Variants in TMEM117 observed in about 807,000 individuals in gnomAD.
TMEM117 encodes transmembrane protein 117.
TMEM117 carries 27 observed loss-of-function variants against 52.4 expected under a neutral mutation model. That is an observed-to-expected ratio of 0.51 (90% confidence interval 0.38 to 0.71). TMEM117 has a LOEUF of 0.71. TMEM117 is among the 30% of genes least tolerant of loss of function. The probability of loss-of-function intolerance (pLI) is 0.00; values close to 1 mark genes in which losing one functional copy is unlikely to be tolerated. For missense variants in TMEM117, 556 were observed against 630.5 expected (o/e 0.88, Z 1.26); for synonymous variants, 215 against 206.3 (o/e 1.04, Z -0.36).
chr12:43,874,596 A>C (rs1943761271), intron 2 of TMEM117, among the ~76,000 whole-genome samples: 1 of 152,124 alleles, frequency 6.6e-6, no homozygotes, highest in African/African-American at 2.4e-5. Flanking sequence ...CGTCTCAAAA[A>C]AGCAAGCAAA....
intron 2 of TMEM117, among the ~76,000 whole-genome samples, chr12:43,854,445 C>G (rs1174096819): frequency 6.8e-6 from 1 of 147,642 alleles, no homozygotes; most frequent in Non-Finnish European, 1.5e-5. Context: ...AGTGATTATC[C>G]TACTGAAAAA....
At chr12:43,952,212 G>A (rs12301421) in intron 3 of TMEM117, among the ~76,000 whole-genome samples, 9,354 of 152,084 alleles carry the variant, frequency 0.062, 747 homozygotes, top group African/African-American at 0.18. Context: ...TGAAAATCCC[G>A]GAAGCCGGAA....
At chr12:44,268,678 C>T (rs1950409947) in intron 5 of TMEM117, among the ~76,000 whole-genome samples, 1 of 152,090 alleles carries the variant, frequency 6.6e-6, no homozygotes, top group Admixed American at 6.6e-5. Flanking sequence ...ACAACTCTCA[C>T]ATTGTTGGCA....
At chr12:44,195,757 A>C (rs926744406) in intron 4 of TMEM117, among the ~76,000 whole-genome samples, 1 of 152,132 alleles carries the variant, frequency 6.6e-6, no homozygotes, top group Non-Finnish European at 1.5e-5. Flanking sequence ...TTCAAAATTT[A>C]TAAAGAATAA....
chr12:43,949,574 A>T (rs903878448), intron 3 of TMEM117, among the ~76,000 whole-genome samples: 3 of 152,132 alleles, frequency 2.0e-5, no homozygotes, highest in African/African-American at 7.2e-5. Flanking sequence ...AACTTCTGAG[A>T]TCTTGTCGGG....
intron 5 of TMEM117, among the ~76,000 whole-genome samples, chr12:44,272,813 C>G (rs1214687501): frequency 6.6e-6 from 1 of 152,080 alleles, no homozygotes; most frequent in Non-Finnish European, 1.5e-5. Context: ...GACAGTGTGG[C>G]GATTCCTCAG....
At chr12:44,317,583 A>C (rs1309126894) in intron 6 of TMEM117, among the ~76,000 whole-genome samples, 2 of 152,036 alleles carry the variant, frequency 1.3e-5, no homozygotes, top group African/African-American at 4.8e-5. Flanking sequence ...TTTAGTAGAG[A>C]CAGGATTTCA....
At chr12:43,890,202 A>T (rs560763907) in intron 2 of TMEM117, among the ~76,000 whole-genome samples, 1 of 152,196 alleles carries the variant, frequency 6.6e-6, no homozygotes, top group Admixed American at 6.5e-5. Context: ...ATTTATTTTT[A>T]GTGTTCTCTT....
At chr12:44,331,835 A>G (rs1244868084) in intron 6 of TMEM117, among the ~76,000 whole-genome samples, 1 of 152,006 alleles carries the variant, frequency 6.6e-6, no homozygotes, top group African/African-American at 2.4e-5. Flanking sequence ...TCAGTACCCC[A>G]AGCACCCAAT....
intron 3 of TMEM117, among the ~76,000 whole-genome samples, chr12:43,948,524 C>G (rs1348349341): frequency 6.6e-6 from 1 of 152,078 alleles, no homozygotes; most frequent in African/African-American, 2.4e-5. Flanking sequence ...CCAGGATGGT[C>G]TCGATCTCCT....
At chr12:43,823,331 G>T in the TMEM117 span, among the ~76,000 whole-genome samples, 1 of 152,102 alleles carries the variant, frequency 6.6e-6, no homozygotes, top group Non-Finnish European at 1.5e-5. Flanking sequence ...AGGTAGCAAA[G>T]TAGAATTTGA....
intron 2 of TMEM117, among the ~76,000 whole-genome samples, chr12:43,882,898 T>C (rs948013865): frequency 1.3e-5 from 2 of 152,240 alleles, no homozygotes; most frequent in Admixed American, 6.5e-5. Context: ...TTCATTTCTC[T>C]GCAGCATCTT....
At chr12:44,212,677 C>G (rs1949662331) in intron 5 of TMEM117, among the ~76,000 whole-genome samples, 1 of 151,978 alleles carries the variant, frequency 6.6e-6, no homozygotes, top group Admixed American at 6.6e-5. Flanking sequence ...GTACGCCCAC[C>G]AGATAAGGGG....
intron 6 of TMEM117, among the ~76,000 whole-genome samples, chr12:44,330,656 A>G (rs1951257321): frequency 6.6e-6 from 1 of 152,084 alleles, no homozygotes; most frequent in African/African-American, 2.4e-5. Flanking sequence ...TGACTACCGT[A>G]TTGGACAAGT....
At chr12:44,095,696 A>T (rs1169174521) in intron 3 of TMEM117, among the ~76,000 whole-genome samples, 1 of 152,006 alleles carries the variant, frequency 6.6e-6, no homozygotes, top group African/African-American at 2.4e-5. Flanking sequence ...CATTTTCATG[A>T]CTCAAAGATA....
intron 6 of TMEM117, among the ~76,000 whole-genome samples, chr12:44,355,084 T>A (rs565189891): frequency 1.3e-5 from 2 of 152,172 alleles, no homozygotes; most frequent in African/African-American, 4.8e-5. Context: ...GTTTTTATTA[T>A]TATTTCCAAA....
chr12:43,913,564 C>T (rs534287969), intron 2 of TMEM117, among the ~76,000 whole-genome samples: 108 of 152,218 alleles, frequency 7.1e-4, no homozygotes, highest in African/African-American at 2.5e-3. Flanking sequence ...AAACTGGGGA[C>T]AGAGAGAGGA....
chr12:44,279,255 A>G (rs532623874), intron 5 of TMEM117, among the ~76,000 whole-genome samples: 2 of 152,318 alleles, frequency 1.3e-5, no homozygotes, highest in Admixed American at 1.3e-4. Flanking sequence ...GCCCTTCTCC[A>G]TTCATGAACA....
At chr12:44,199,785 A>T (rs1444388929) in intron 4 of TMEM117, among the ~76,000 whole-genome samples, 5 of 152,320 alleles carry the variant, frequency 3.3e-5, no homozygotes, top group Admixed American at 6.5e-5. Flanking sequence ...ATTATCTTCA[A>T]GAGAAGAGAT....
Sources: allele counts gnomAD v4.1 joint callset (sites outside exome capture counted in the v4.1 genomes callset), GRCh38; gene constraint gnomAD v4.1.1; transcripts MANE v1.5; gene names NCBI Gene and HGNC (gene_info 2026-07-23, HGNC 2026-07-21).